CSMD1: variants seen among roughly 807,000 people sequenced by gnomAD.
CSMD1 encodes the protein CUB and sushi domain-containing protein 1.
CSMD1 carries 213 observed loss-of-function variants against 417.5 expected under a neutral mutation model. The observed-to-expected ratio is 0.51, with a 90% CI of 0.46 to 0.57. The LOEUF (loss-of-function observed/expected upper bound fraction) is 0.57, where lower values mean the gene tolerates loss of function less well. CSMD1 is among the 20% of genes least tolerant of loss of function. CSMD1 has a pLI of 0.00. For missense variants in CSMD1, 6,923 were observed against 4,529.7 expected, an observed-to-expected ratio of 1.53 and a Z score of -15.17; for synonymous variants, 2,862 against 1,736.8, an observed-to-expected ratio of 1.65 and a Z score of -16.11.
intron 3 of CSMD1, among the ~76,000 whole-genome samples, chr8:4,228,498 T>G (rs958010736): frequency 6.6e-6 from 1 of 151,700 alleles, no homozygotes; most frequent in African/African-American, 2.4e-5. Context: ...CCCAACTGTC[T>G]CTGGTCTTCC....
chr8:4,883,172 G>T (rs1016834544), intron 1 of CSMD1, among the ~76,000 whole-genome samples: 1 of 152,050 alleles, frequency 6.6e-6, no homozygotes, highest in African/African-American at 2.4e-5. Flanking sequence ...TTTCTCTTGT[G>T]CAAGAATGCT....
intron 3 of CSMD1, among the ~76,000 whole-genome samples, chr8:4,358,250 G>A (rs867709924): frequency 1.3e-5 from 2 of 152,294 alleles, no homozygotes; most frequent in South Asian, 2.1e-4. Context: ...GGGGCTTGTT[G>A]AACTTTTGCT....
intron 3 of CSMD1, among the ~76,000 whole-genome samples, chr8:4,043,248 T>A (rs1797984141): frequency 6.6e-6 from 1 of 152,128 alleles, no homozygotes; most frequent in South Asian, 2.1e-4. Context: ...TTACAGCTAT[T>A]AGGCTAGCAT....
intron 1 of CSMD1, among the ~76,000 whole-genome samples, chr8:4,918,136 A>G (rs554356207): frequency 2.0e-5 from 3 of 152,306 alleles, no homozygotes; most frequent in East Asian, 3.9e-4. Context: ...CCCCCTGAAA[A>G]ATTCTTCCTT....
intron 3 of CSMD1, among the ~76,000 whole-genome samples, chr8:4,326,708 T>C (rs896991025): frequency 9.9e-5 from 15 of 152,126 alleles, no homozygotes; most frequent in African/African-American, 3.6e-4. Context: ...AACATTCCGT[T>C]TGGGTAACAC....
intron 8 of CSMD1, among the ~76,000 whole-genome samples, chr8:3,605,226 G>C (rs1341849597): frequency 2.6e-5 from 4 of 152,170 alleles, no homozygotes; most frequent in Non-Finnish European, 4.4e-5. Context: ...TCCTGATCTT[G>C]TGATCCACCC....
At chr8:3,733,242 A>C (rs1374744941) in intron 6 of CSMD1, among the ~76,000 whole-genome samples, 3 of 130,020 alleles carry the variant, frequency 2.3e-5, no homozygotes, top group Non-Finnish European at 4.9e-5. Context: ...CATATATTAC[A>C]CATATTAATA....
chr8:3,797,171 C>A (rs1227988743), intron 5 of CSMD1, among the ~76,000 whole-genome samples: 1 of 151,856 alleles, frequency 6.6e-6, no homozygotes, highest in Non-Finnish European at 1.5e-5. Flanking sequence ...ATTTCAAAGT[C>A]TATTCAACTT....
chr8:3,657,545 G>C (rs1445180280), intron 7 of CSMD1, among the ~76,000 whole-genome samples: 1 of 152,090 alleles, frequency 6.6e-6, no homozygotes, highest in Non-Finnish European at 1.5e-5. Flanking sequence ...GTCCTTTGCA[G>C]GGACATGGAT....
intron 9 of CSMD1, among the ~76,000 whole-genome samples, chr8:3,583,749 G>GA (rs1800480881): frequency 6.6e-6 from 1 of 152,090 alleles, no homozygotes; most frequent in South Asian, 2.1e-4. Context: ...ATTCTAGACA[G>GA]GAAAGGCAGA....
chr8:4,872,310 C>G (rs1399987872), intron 1 of CSMD1, among the ~76,000 whole-genome samples: 1 of 152,034 alleles, frequency 6.6e-6, no homozygotes, highest in Non-Finnish European at 1.5e-5. Context: ...ACCCAAATCT[C>G]ATCTTGAATT....
chr8:3,404,578 T>C (rs1812235364), intron 15 of CSMD1, among the ~76,000 whole-genome samples: 1 of 152,190 alleles, frequency 6.6e-6, no homozygotes, highest in African/African-American at 2.4e-5. Context: ...CTCAACTGTT[T>C]ATGATATTTA....
At chr8:4,943,865 A>G (rs1235243379) in intron 1 of CSMD1, among the ~76,000 whole-genome samples, 1 of 152,214 alleles carries the variant, frequency 6.6e-6, no homozygotes, top group African/African-American at 2.4e-5. Flanking sequence ...AGCCATAAAT[A>G]AGTGTAAGAG....
At chr8:4,277,645 C>G (rs1027241269) in intron 3 of CSMD1, among the ~76,000 whole-genome samples, 11 of 152,178 alleles carry the variant, frequency 7.2e-5, no homozygotes, top group Admixed American at 6.5e-4. Flanking sequence ...TATGCAGAAA[C>G]AACCTGTTTG....
intron 12 of CSMD1, among the ~76,000 whole-genome samples, chr8:3,448,126 T>G (rs951082801): frequency 6.6e-6 from 1 of 151,122 alleles, no homozygotes; most frequent in African/African-American, 2.4e-5. Context: ...AGCATGATGC[T>G]GTCAATCCAA....
At chr8:4,400,377 A>G (rs188789331) in intron 3 of CSMD1, among the ~76,000 whole-genome samples, 1 of 152,366 alleles carries the variant, frequency 6.6e-6, no homozygotes, top group East Asian at 1.9e-4. Context: ...CTTTTCATTT[A>G]TATATCCATC....
intron 1 of CSMD1, among the ~76,000 whole-genome samples, chr8:4,742,332 G>A (rs2117010442): frequency 6.6e-6 from 1 of 151,822 alleles, no homozygotes; most frequent in Non-Finnish European, 1.5e-5. Context: ...ACCTGACCAA[G>A]GCTGAATTTT....
intron 2 of CSMD1, among the ~76,000 whole-genome samples, chr8:4,603,922 T>C (rs1800730220): frequency 6.6e-6 from 1 of 152,154 alleles, no homozygotes; most frequent in South Asian, 2.1e-4. Context: ...GGGATATGAT[T>C]GTATTTGTAA....
At chr8:4,469,818 A>G (rs1362739043) in intron 2 of CSMD1, among the ~76,000 whole-genome samples, 2 of 151,806 alleles carry the variant, frequency 1.3e-5, no homozygotes, top group South Asian at 2.1e-4. Context: ...GAGGGAACCC[A>G]AAGTCCTTAA....
Sources: gnomAD v4.1 joint callset for allele counts (sites outside exome capture counted in the v4.1 genomes callset) on GRCh38, gnomAD v4.1.1 for gene constraint, MANE v1.5 for transcripts, NCBI Gene and HGNC (gene_info 2026-07-23, HGNC 2026-07-21) for gene names.